Variants in TMEM132C observed in about 807,000 individuals in gnomAD.
The protein encoded by TMEM132C is protein phosphatase 1, regulatory subunit 152.
A neutral mutation model predicts 61.4 loss-of-function variants in TMEM132C; 29 were observed. The observed-to-expected ratio is 0.47, with a 90% confidence interval of 0.35 to 0.64. The LOEUF (loss-of-function observed/expected upper bound fraction) is 0.64, where lower values mean the gene tolerates loss of function less well. Among genes scored for constraint, TMEM132C ranks in the 30% least tolerant of loss-of-function variants. The pLI, the probability that TMEM132C is intolerant of heterozygous loss-of-function variation, is 0.00. For synonymous variants in TMEM132C, 656 were observed against 633.1 expected, an observed-to-expected ratio of 1.04 and a Z score of -0.54; for missense variants, 1,408 against 1,476.9, an observed-to-expected ratio of 0.95 and a Z score of 0.76.
intron 3 of TMEM132C, among the ~76,000 whole-genome samples, chr12:128,601,148 C>T (rs1173323425): frequency 1.3e-5 from 2 of 152,152 alleles, no homozygotes; most frequent in Non-Finnish European, 2.9e-5. Context: ...CTCCAATGAG[C>T]TCTGCATCTC....
chr12:128,411,393 G>T (rs1030299103), intron 1 of TMEM132C, among the ~76,000 whole-genome samples: 2 of 152,114 alleles, frequency 1.3e-5, no homozygotes, highest in South Asian at 2.1e-4. Context: ...AAAAACTGTC[G>T]CTTCGATCTG....
intron 1 of TMEM132C, among the ~76,000 whole-genome samples, chr12:128,286,530 A>T (rs1459031524): frequency 4.6e-5 from 7 of 152,232 alleles, no homozygotes. Context: ...ATAAACCGGG[A>T]AATAAGGATA....
chr12:128,478,545 G>C (rs937145075), intron 2 of TMEM132C, among the ~76,000 whole-genome samples: 5 of 152,188 alleles, frequency 3.3e-5, no homozygotes, highest in African/African-American at 1.2e-4. Context: ...GTAGAGTGGA[G>C]AGTATTTAAA....
At chr12:128,328,482 T>G (rs1872587277) in intron 1 of TMEM132C, among the ~76,000 whole-genome samples, 1 of 151,914 alleles carries the variant, frequency 6.6e-6, no homozygotes, top group South Asian at 2.1e-4. Flanking sequence ...TTAACTGTGG[T>G]TTTTACCATT....
chr12:128,419,162 A>G (rs1713582), intron 2 of TMEM132C, among the ~76,000 whole-genome samples: 124,603 of 151,864 alleles, frequency 0.82, 53,843 homozygotes, highest in South Asian at 0.98. Context: ...ACCAAAGGGC[A>G]TAGTTAGTAC....
intron 5 of TMEM132C, among the ~76,000 whole-genome samples, chr12:128,687,786 C>G (rs1281207867): frequency 6.6e-6 from 1 of 152,224 alleles, no homozygotes; most frequent in Non-Finnish European, 1.5e-5. Context: ...TCAGAGGCAA[C>G]TGTTGAGAAG....
intron 5 of TMEM132C, among the ~76,000 whole-genome samples, chr12:128,682,143 C>T (rs549322157): frequency 6.6e-6 from 1 of 152,276 alleles, no homozygotes; most frequent in South Asian, 2.1e-4. Context: ...TGGCTTAGGC[C>T]ATCGTCACAT....
chr12:128,649,304 A>G (rs1954243616), intron 4 of TMEM132C, among the ~76,000 whole-genome samples: 1 of 152,154 alleles, frequency 6.6e-6, no homozygotes, highest in African/African-American at 2.4e-5. Context: ...TGATACTGCC[A>G]CCCTTGATTG....
At chr12:128,399,218 A>C (rs1875063735) in intron 1 of TMEM132C, among the ~76,000 whole-genome samples, 1 of 152,206 alleles carries the variant, frequency 6.6e-6, no homozygotes, top group Non-Finnish European at 1.5e-5. Context: ...AATTATCTGT[A>C]ATTAGTGGGA....
At chr12:128,384,549 G>T (rs369027751) in intron 1 of TMEM132C, among the ~76,000 whole-genome samples, 2 of 152,176 alleles carry the variant, frequency 1.3e-5, no homozygotes, top group Non-Finnish European at 2.9e-5. Context: ...ATGGTGGGTC[G>T]GATGGCTCTT....
At chr12:128,686,491 C>G (rs1015267941) in intron 5 of TMEM132C, among the ~76,000 whole-genome samples, 2 of 152,072 alleles carry the variant, frequency 1.3e-5, no homozygotes, top group African/African-American at 4.8e-5. Flanking sequence ...CACTTGGAAG[C>G]CTGAGAAAAG....
chr12:128,505,564 C>T (rs1227573180), intron 2 of TMEM132C, among the ~76,000 whole-genome samples: 1 of 152,188 alleles, frequency 6.6e-6, no homozygotes, highest in African/African-American at 2.4e-5. Context: ...AAGTGTTCCT[C>T]ATATTATAGG....
intron 2 of TMEM132C, among the ~76,000 whole-genome samples, chr12:128,425,460 G>A (rs1424912166): frequency 2.0e-5 from 3 of 152,314 alleles, no homozygotes; most frequent in South Asian, 2.1e-4. Context: ...CAGCAGAATC[G>A]CTTCTCGACC....
chr12:128,576,380 G>C (rs903115716), intron 3 of TMEM132C, among the ~76,000 whole-genome samples: 1 of 152,190 alleles, frequency 6.6e-6, no homozygotes, highest in Non-Finnish European at 1.5e-5. Context: ...CCATTGCAAA[G>C]GGGAGGCTGA....
chr12:128,617,317 G>A (rs752869586), intron 4 of TMEM132C, among the ~76,000 whole-genome samples: 12 of 152,162 alleles, frequency 7.9e-5, no homozygotes, highest in Admixed American at 2.0e-4. Context: ...GCAATGCCAC[G>A]CTGGCTTCTT....
chr12:128,363,354 G>A (rs1465188051), intron 1 of TMEM132C, among the ~76,000 whole-genome samples: 1 of 152,158 alleles, frequency 6.6e-6, no homozygotes, highest in African/African-American at 2.4e-5. Context: ...TGTTTGAAGT[G>A]GATTCTTCCT....
chr12:128,648,692 G>A (rs192160801), intron 4 of TMEM132C, among the ~76,000 whole-genome samples: 2,627 of 150,954 alleles, frequency 0.017, 61 homozygotes, highest in African/African-American at 0.061. Flanking sequence ...AGCATTGGAT[G>A]TGAGTGTGTT....
At chr12:128,336,989 C>T (rs1872805930) in intron 1 of TMEM132C, among the ~76,000 whole-genome samples, 1 of 152,110 alleles carries the variant, frequency 6.6e-6, no homozygotes, top group South Asian at 2.1e-4. Flanking sequence ...ATTTTGGCCT[C>T]CTTCCAAGTT....
At position 128,581,573 on chromosome 12, in the gene TMEM132C, A is replaced by G. The variant is rs74737715; in HGVS notation, c.1122-34579A>G. Among the ~76,000 whole-genome samples, 342 of 152,324 alleles carry G rather than the reference A, an allele frequency of 2.2e-3. 9 individuals carry two copies. The East Asian group carries it at 0.043, about 19-fold the overall frequency. ...GAATCTGAACCTCTTTCCAGTCTTT[A>G]AAATGCAAAGTTCGCCATGATAATG... On this transcript the variant is annotated intron_variant, in intron 3 of 8. Coordinates refer to ENST00000435159, the MANE Select transcript of TMEM132C (RefSeq NM_001136103.3).
Sources: gnomAD v4.1 joint callset for allele counts (sites outside exome capture counted in the v4.1 genomes callset) on GRCh38, gnomAD v4.1.1 for gene constraint, MANE v1.5 for transcripts, NCBI Gene and HGNC (gene_info 2026-07-23, HGNC 2026-07-21) for gene names.